The following LIN52 variants were observed in gnomAD, a reference collection of about 807,000 sequenced individuals.
LIN52 encodes lin-52 DREAM MuvB core complex component.
Under a neutral mutation model 18.5 loss-of-function variants are expected in LIN52, and 4 were observed. That is an observed-to-expected ratio of 0.22 (90% CI 0.11 to 0.49). The LOEUF is 0.49. LIN52 is among the 20% of genes least tolerant of loss of function. The pLI, the probability that LIN52 is intolerant of heterozygous loss-of-function variation, is 0.97. For missense variants in LIN52, 102 were observed against 139.5 expected (o/e 0.73, Z 1.35); for synonymous variants, 34 against 45.5 (o/e 0.75, Z 1.02).
chr14:74,145,807 C>A (rs537878100), intron 5 of LIN52, among the ~76,000 whole-genome samples: 4 of 152,250 alleles, frequency 2.6e-5, no homozygotes, highest in African/African-American at 9.6e-5. Context: ...TTCTAAGAGA[C>A]AAAACATGAA....
chr14:74,086,015 T>G (rs1340749156), intron 1 of LIN52, among the ~76,000 whole-genome samples: 1 of 152,182 alleles, frequency 6.6e-6, no homozygotes, highest in Non-Finnish European at 1.5e-5. Flanking sequence ...ATAAACATTT[T>G]TTTTTTTCAG....
intron 5 of LIN52, among the ~76,000 whole-genome samples, chr14:74,114,788 T>A (rs1463192121): frequency 5.3e-5 from 8 of 152,218 alleles, no homozygotes; most frequent in Non-Finnish European, 1.2e-4. Flanking sequence ...AGTTATTTGA[T>A]CTCAAAGAAA....
chr14:74,100,981 A>G (rs2060849746), intron 4 of LIN52, among the ~76,000 whole-genome samples, 174 bp from the exon 5 acceptor site: 1 of 152,196 alleles, frequency 6.6e-6, no homozygotes, highest in African/African-American at 2.4e-5. Flanking sequence ...AATAGTGGGA[A>G]AATTCCCTGA....
intron 5 of LIN52, among the ~76,000 whole-genome samples, chr14:74,176,625 G>T (rs1011669245): frequency 6.6e-6 from 1 of 152,032 alleles, no homozygotes; most frequent in African/African-American, 2.4e-5. Flanking sequence ...GCACTATGAC[G>T]ATGTTACAAC....
intron 5 of LIN52, among the ~76,000 whole-genome samples, chr14:74,175,020 A>AAATAATAATAATAAT (rs141936961): frequency 0.042 from 5,914 of 140,822 alleles, 345 homozygotes; most frequent in African/African-American, 0.13. Flanking sequence ...GACTCAAAGA[A>AAATAATAATAATAAT]AATAATAATA....
chr14:74,091,358 CT>C, intron 2 of LIN52, 52 bp downstream of exon 2: 1 of 1,204,402 alleles, frequency 8.3e-7, no homozygotes, highest in Non-Finnish European at 1.2e-6. Flanking sequence ...AACAATGTTC[CT>C]TTTTAAAGAG....
rs71460959 is a variant in LIN52 at position 74,137,498 on chromosome 14, C to CTTTTTTTTTTT, written c.283+36268_283+36278dup. ...GCACTAAATTCTTCACAGCAGCTCT[C>CTTTTTTTTTTT]TTTTTTTTTTTTTTTTTTGAGATGG... is the stretch of plus-strand genomic sequence containing the variant. On this transcript the variant is annotated intron_variant, in intron 5 of 5. Transcript: ENST00000555028. 1.3e-3 allele frequency among the ~76,000 whole-genome samples: 142 copies of CTTTTTTTTTTT among 111,588 alleles called. 10 individuals are homozygous for CTTTTTTTTTTT. The highest frequency in any genetic ancestry group is 3.1e-3 in the African/African-American group (83 of 26,862). 73.2% of individuals were successfully genotyped at this position (111,588 alleles called of 152,430 possible).
chr14:74,135,342 C>T (rs1263263056), intron 5 of LIN52, among the ~76,000 whole-genome samples: 2 of 152,192 alleles, frequency 1.3e-5, no homozygotes, highest in African/African-American at 4.8e-5. Context: ...GGATTACAGG[C>T]ATGAGCCACC....
intron 5 of LIN52, among the ~76,000 whole-genome samples, chr14:74,198,100 G>A (rs2078926381): frequency 6.6e-6 from 1 of 152,222 alleles, no homozygotes; most frequent in Admixed American, 6.5e-5. Flanking sequence ...CTGAAAACAT[G>A]GCCTTGCAGG....
chr14:74,117,037 T>A (rs2060969628), intron 5 of LIN52, among the ~76,000 whole-genome samples: 1 of 152,158 alleles, frequency 6.6e-6, no homozygotes, highest in South Asian at 2.1e-4. Flanking sequence ...GAAACAAAAT[T>A]GTACTTAAAT....
intron 5 of LIN52, among the ~76,000 whole-genome samples, chr14:74,152,060 C>T (rs999307313): frequency 6.6e-6 from 1 of 151,984 alleles, no homozygotes; most frequent in South Asian, 2.1e-4. Context: ...GTCAGGACTT[C>T]GGGACCAGCC....
intron 2 of LIN52, among the ~76,000 whole-genome samples, chr14:74,094,770 C>T (rs1040260663): frequency 2.6e-5 from 4 of 151,856 alleles, no homozygotes; most frequent in African/African-American, 9.7e-5. Context: ...CTCTGTTGCC[C>T]AGGTTGGAGT....
intron 5 of LIN52, among the ~76,000 whole-genome samples, chr14:74,191,258 A>G (rs1295404861): frequency 6.6e-6 from 1 of 152,200 alleles, no homozygotes; most frequent in Non-Finnish European, 1.5e-5. Flanking sequence ...TCCATCTCAA[A>G]GGCAGCATTG....
chr14:74,175,057 A>G (rs2061287057), intron 5 of LIN52, among the ~76,000 whole-genome samples: 1 of 148,256 alleles, frequency 6.7e-6, no homozygotes, highest in Non-Finnish European at 1.5e-5. Context: ...ACACCTGTAT[A>G]GGGTACTTAC....
chr14:74,164,356 C>T (rs542804575), intron 5 of LIN52, among the ~76,000 whole-genome samples: 1 of 150,948 alleles, frequency 6.6e-6, no homozygotes, highest in Admixed American at 6.7e-5. Context: ...ACGATCTCGG[C>T]TCACTGCAAC....
rs185852004 is a variant in LIN52, at chr14:74,179,036, G to A, written c.284-19886G>A. Among the ~76,000 whole-genome samples the A allele has an allele frequency of 3.3e-3, 495 of 152,064 alleles. 2 individuals carry two copies. Among genetic ancestry groups the A allele is most frequent in the Middle Eastern group, 0.024 (7 of 294 alleles). On this transcript the variant is annotated intron_variant, in intron 5 of 5. Coordinates refer to ENST00000555028, the MANE Select transcript of LIN52 (RefSeq NM_001024674.3). ...CAGGATTTTGAGGAGCTATGATCAC[G>A]CCACTACACTCCAGCCTGGGCAACA...
chr14:74,171,138 CTT>C lies in LIN52; in HGVS notation c.284-27782_284-27781del, dbSNP rs200081886. Among the ~76,000 whole-genome samples, 1,337 of 151,814 alleles carry C rather than the reference CTT, an allele frequency of 8.8e-3. 19 individuals are homozygous for C. Among genetic ancestry groups the C allele is most frequent in the African/African-American group, 0.031 (1,280 of 41,436 alleles). On this transcript the variant is annotated intron_variant, in intron 5 of 5. Transcript: ENST00000555028. ...GTGGCTCATGCCTATAATCCTAACA[CTT>C]TGAGAGGCTGAGGTGGGTGGATCAC...
chr14:74,167,660 A>G (rs901037643), intron 5 of LIN52, among the ~76,000 whole-genome samples: 2 of 152,196 alleles, frequency 1.3e-5, no homozygotes, highest in African/African-American at 4.8e-5. Context: ...CAAGTGAAGT[A>G]TTGTCCCTAA....
intron 5 of LIN52, among the ~76,000 whole-genome samples, chr14:74,168,290 C>G (rs1595183074): frequency 6.6e-6 from 1 of 152,250 alleles, no homozygotes; most frequent in East Asian, 1.9e-4. Context: ...TTACAGTCCT[C>G]TCTGTTATAA....
Sources: allele counts gnomAD v4.1 joint callset (sites outside exome capture counted in the v4.1 genomes callset), GRCh38; gene constraint gnomAD v4.1.1; transcripts MANE v1.5; gene names NCBI Gene and HGNC (gene_info 2026-07-23, HGNC 2026-07-21).